The following TMEM74 variants were observed in gnomAD, a reference collection of about 807,000 sequenced individuals.
TMEM74 encodes the protein transmembrane protein 74.
TMEM74 carries 13 observed loss-of-function variants against 18.1 expected under a neutral mutation model. That is an observed-to-expected ratio of 0.72 (90% CI 0.47 to 1.14). The LOEUF is 1.14. Among genes scored for constraint, TMEM74 ranks in the 50% most tolerant of loss-of-function variants. TMEM74 has a pLI of 0.00. For missense variants in TMEM74, 372 were observed against 375.9 expected (o/e 0.99, Z 0.09); for synonymous variants, 159 against 146.6 (o/e 1.08, Z -0.61).
At chr8:108,610,337 C>T (rs1014683943) in intron 2 of TMEM74, among the ~76,000 whole-genome samples, 20 of 152,052 alleles carry the variant, frequency 1.3e-4, no homozygotes, top group Middle Eastern at 3.4e-3. Context: ...AATTATGGAC[C>T]TCCAGAAATG....
intron 2 of TMEM74, among the ~76,000 whole-genome samples, chr8:108,647,591 G>A (rs1812732897): frequency 6.6e-6 from 1 of 152,024 alleles, no homozygotes; most frequent in African/African-American, 2.4e-5. Context: ...AACATTAGTA[G>A]CAATTGAGGG....
At chr8:108,712,676 C>T (rs1813485696) in intron 1 of TMEM74, among the ~76,000 whole-genome samples, 1 of 152,068 alleles carries the variant, frequency 6.6e-6, no homozygotes, top group African/African-American at 2.4e-5. Context: ...CCTGGTACAC[C>T]TTGATTCATT....
At chr8:108,726,178 A>G (rs1173277346) in intron 1 of TMEM74, among the ~76,000 whole-genome samples, 7 of 152,132 alleles carry the variant, frequency 4.6e-5, no homozygotes. Flanking sequence ...ACTATATATC[A>G]TCATCTCTAA....
intron 2 of TMEM74, among the ~76,000 whole-genome samples, chr8:108,614,115 A>C (rs980074090): frequency 2.0e-5 from 3 of 152,118 alleles, no homozygotes; most frequent in East Asian, 1.9e-4. Context: ...TTTTTAATAA[A>C]AAAGATTAAA....
intron 1 of TMEM74, among the ~76,000 whole-genome samples, chr8:108,712,945 A>G (rs1323527055): frequency 6.6e-6 from 1 of 152,136 alleles, no homozygotes; most frequent in African/African-American, 2.4e-5. Context: ...CTCTGGTAAC[A>G]GTGCATGCTA....
At chr8:108,669,997 C>T (rs1021147317) in intron 1 of TMEM74, among the ~76,000 whole-genome samples, 6 of 144,072 alleles carry the variant, frequency 4.2e-5, no homozygotes, top group Non-Finnish European at 7.5e-5. Flanking sequence ...GAGATTGCAC[C>T]ACTGCACTCT....
chr8:108,744,292 C>G (rs1459079774), intron 1 of TMEM74, among the ~76,000 whole-genome samples: 1 of 151,938 alleles, frequency 6.6e-6, no homozygotes, highest in Non-Finnish European at 1.5e-5. Context: ...CAAAACAAGA[C>G]AAAATTTCAA....
chr8:108,611,248 GA>G, intron 2 of TMEM74, among the ~76,000 whole-genome samples: 1 of 152,140 alleles, frequency 6.6e-6, no homozygotes, highest in East Asian at 1.9e-4. Flanking sequence ...TGCAGTAGGT[GA>G]AATTTCCCAT....
At chr8:108,642,649 A>G (rs2935770) in intron 2 of TMEM74, among the ~76,000 whole-genome samples, 33,322 of 152,066 alleles carry the variant, frequency 0.22, 3,681 homozygotes, top group East Asian at 0.28. Context: ...AGCCACAAAT[A>G]CACTTTACTA....
chr8:108,723,720 G>A (rs1040266553), intron 1 of TMEM74, among the ~76,000 whole-genome samples: 1 of 151,926 alleles, frequency 6.6e-6, no homozygotes, highest in Non-Finnish European at 1.5e-5. Flanking sequence ...CAGAAAGATG[G>A]TACATTCAAC....
chr8:108,664,169 T>C (rs1316840585), intron 1 of TMEM74, among the ~76,000 whole-genome samples: 2 of 133,516 alleles, frequency 1.5e-5, no homozygotes, highest in African/African-American at 5.3e-5. Flanking sequence ...AAGAATGTCA[T>C]TGGTAGTTTC....
At chr8:108,657,883 T>TATATATTAATTAC (rs1554630306) in intron 1 of TMEM74, among the ~76,000 whole-genome samples, 9 of 113,800 alleles carry the variant, frequency 7.9e-5, no homozygotes, top group African/African-American at 2.5e-4. Flanking sequence ...TATATATATA[T>TATATATTAATTAC]ATATATATAT....
At chr8:108,618,076 A>C (rs536079993) in intron 2 of TMEM74, among the ~76,000 whole-genome samples, 3 of 152,184 alleles carry the variant, frequency 2.0e-5, no homozygotes, top group Admixed American at 6.5e-5. Context: ...TAAAATTGAC[A>C]GAAGTAGCTG....
At chr8:108,689,154 A>C (rs1202939107) in intron 1 of TMEM74, among the ~76,000 whole-genome samples, 1 of 152,246 alleles carries the variant, frequency 6.6e-6, no homozygotes, top group Non-Finnish European at 1.5e-5. Flanking sequence ...AAAGAGATGC[A>C]TCTGATAAGT....
At chr8:108,699,290 T>G (rs554127518) in intron 1 of TMEM74, among the ~76,000 whole-genome samples, 1 of 150,246 alleles carries the variant, frequency 6.7e-6, no homozygotes, top group Admixed American at 6.7e-5. Context: ...GGACTAAACA[T>G]TTTGTATGCC....
At chr8:108,696,008 C>G (rs959180794) in intron 1 of TMEM74, among the ~76,000 whole-genome samples, 1 of 152,168 alleles carries the variant, frequency 6.6e-6, no homozygotes, top group African/African-American at 2.4e-5. Context: ...AAGCTATGGA[C>G]AAGTCAAATT....
intron 1 of TMEM74, among the ~76,000 whole-genome samples, chr8:108,785,653 A>G (rs751222160): frequency 2.0e-5 from 3 of 152,184 alleles, no homozygotes; most frequent in Non-Finnish European, 4.4e-5. Flanking sequence ...GAGCATCACC[A>G]TCAGTGAATG....
At chr8:108,632,094 T>G (rs901812956) in intron 2 of TMEM74, among the ~76,000 whole-genome samples, 1 of 151,952 alleles carries the variant, frequency 6.6e-6, no homozygotes, top group African/African-American at 2.4e-5. Context: ...ACAGAATAAC[T>G]CAGTGATGCT....
At chr8:108,707,510 C>G (rs560473712) in intron 1 of TMEM74, among the ~76,000 whole-genome samples, 26 of 152,178 alleles carry the variant, frequency 1.7e-4, no homozygotes, top group African/African-American at 5.1e-4. Context: ...GTTTTAAAGC[C>G]TATGATGTAC....
Sources: gnomAD v4.1 joint callset for allele counts (sites outside exome capture counted in the v4.1 genomes callset) on GRCh38, gnomAD v4.1.1 for gene constraint, MANE v1.5 for transcripts, NCBI Gene and HGNC (gene_info 2026-07-23, HGNC 2026-07-21) for gene names.